The following NAV1 variants were observed in gnomAD, a reference collection of about 807,000 sequenced individuals.
The protein encoded by NAV1 is pore membrane and/or filament interacting like protein 3.
In NAV1, 18 loss-of-function variants were observed where a neutral mutation model predicts 175.2. That is an observed-to-expected ratio of 0.10 (90% CI 0.07 to 0.15). The LOEUF (loss-of-function observed/expected upper bound fraction) is 0.15, where lower values mean the gene tolerates loss of function less well. NAV1 is among the 10% of genes least tolerant of loss of function. The probability of loss-of-function intolerance (pLI) is 1.00; values close to 1 mark genes in which losing one functional copy is unlikely to be tolerated. For missense variants in NAV1, 1,731 were observed against 2,436.6 expected, an observed-to-expected ratio of 0.71 and a Z score of 6.10; for synonymous variants, 897 against 978.7, an observed-to-expected ratio of 0.92 and a Z score of 1.56.
Position 201,810,181 on chromosome 1 carries a change from T to C in NAV1, c.4561+76T>C. On this transcript the variant is annotated intron_variant, in intron 23 of 29. Coordinates refer to ENST00000367296, the Ensembl canonical transcript of NAV1. This position sits in a 1 kb window ranked among gnomAD's most constrained non-coding sequence, Gnocchi z 6.0. ...GGATCATCAAATAATCCATCATGCA[T>C]TCATTCACCAAGAACTCACTGAGAA... 1 of 1,551,744 alleles carries C rather than the reference T, an allele frequency of 6.4e-7. No homozygotes were observed. Among genetic ancestry groups the C allele is most frequent in the Non-Finnish European group, 8.8e-7 (1 of 1,138,064 alleles).
intron 1 of NAV1, among the ~76,000 whole-genome samples, chr1:201,568,119 C>G (rs375978496): frequency 2.1e-4 from 32 of 152,248 alleles, no homozygotes; most frequent in Middle Eastern, 6.8e-3. Context: ...CCTGGGCTGA[C>G]AATAAAAGGA....
At chr1:201,542,614 G>A (rs921896121) in intron 1 of NAV1, among the ~76,000 whole-genome samples, 2 of 152,042 alleles carry the variant, frequency 1.3e-5, no homozygotes, top group Non-Finnish European at 2.9e-5. Flanking sequence ...TGACTCTTGA[G>A]ACGTGAAGCG....
chr1:201,691,657 A>G (rs942051362), intron 1 of NAV1, among the ~76,000 whole-genome samples: 1 of 152,220 alleles, frequency 6.6e-6, no homozygotes, highest in Non-Finnish European at 1.5e-5. Context: ...TGGATAAGGA[A>G]CAGAATAGCG....
At chr1:201,817,237 T>C (rs1167946150) in exon 29 of NAV1, 9 of 1,613,968 alleles carry the variant, frequency 5.6e-6, no homozygotes, top group Middle Eastern at 3.3e-4. Context: ...CTCCCGAGGA[T>C]AGGACAGTCA....
At chr1:201,604,686 A>G (rs1179810530) in intron 2 of NAV1, among the ~76,000 whole-genome samples, 4 of 146,992 alleles carry the variant, frequency 2.7e-5, no homozygotes, top group African/African-American at 5.2e-5. Flanking sequence ...GTCAGAAAAA[A>G]AAAAAAAAGA....
upstream of NAV1, among the ~76,000 whole-genome samples, chr1:201,645,546 T>TATA (rs927195360): frequency 6.6e-6 from 1 of 151,868 alleles, no homozygotes; most frequent in Non-Finnish European, 1.5e-5. Context: ...AAACTTAAAT[T>TATA]ATAATAATAA....
In NAV1 at chr1:201,554,549, G is replaced by A. The variant is rs187779979; in HGVS notation, c.-144+15207G>A. On this transcript the variant is annotated intron_variant, in intron 1 of 33. Coordinates refer to the NAV1 transcript ENST00000685211. ...CTGCTGGGGAAGGAAAGGAAGAGCCGTGGGAGAGACTTTTTACAAAGGAAA... is the reference window on the plus strand; with the variant it reads ...CTGCTGGGGAAGGAAAGGAAGAGCCATGGGAGAGACTTTTTACAAAGGAAA... Among the ~76,000 whole-genome samples, 144 of 152,328 alleles carry A rather than the reference G, an allele frequency of 9.5e-4. 1 individual carries two copies. The highest frequency in any genetic ancestry group is 3.0e-3 in the African/African-American group (124 of 41,580).
intron 3 of NAV1, among the ~76,000 whole-genome samples, chr1:201,760,767 T>G (rs1219723548): frequency 6.6e-6 from 1 of 152,148 alleles, no homozygotes; most frequent in Non-Finnish European, 1.5e-5. Context: ...TTACAAAGGG[T>G]CATTGTGTCA....
chr1:201,729,320 T>C (rs1672748009), intron 3 of NAV1, among the ~76,000 whole-genome samples: 1 of 152,232 alleles, frequency 6.6e-6, no homozygotes, highest in Non-Finnish European at 1.5e-5. Context: ...AATAGTATTG[T>C]TCTTAGCATG....
chr1:201,740,208 C>T lies in NAV1; in HGVS notation c.1226+21453C>T. The T allele has an allele frequency of 1.3e-6, 1 of 752,444 alleles. No individual in the cohort carries two copies. The allele number at this position is 752,444 out of a possible 1,614,324, so 46.6% of individuals were successfully genotyped here. Reference sequence around the variant, plus strand: ...TCTCAGGGGCAGTGGGTGTGGGGTCCGCAAGAAGGAGGGTCTTGGCCGCGC... The same window carrying T: ...TCTCAGGGGCAGTGGGTGTGGGGTCTGCAAGAAGGAGGGTCTTGGCCGCGC... On this transcript the variant is annotated intron_variant, in intron 3 of 29. Transcript: ENST00000367296. The surrounding 1 kb of genome is among the most constrained non-coding windows in gnomAD (Gnocchi z 4.7).
At chr1:201,754,236 A>G (rs1200836807) in intron 3 of NAV1, among the ~76,000 whole-genome samples, 1 of 152,184 alleles carries the variant, frequency 6.6e-6, no homozygotes, top group Non-Finnish European at 1.5e-5. Flanking sequence ...CATGTTTGCC[A>G]ATGGGACAGG....
In NAV1 at chr1:201,780,720, A is replaced by T. The variant is rs114827538; in HGVS notation, c.1365+161A>T. On this transcript the variant is annotated intron_variant, in intron 4 of 29. Coordinates refer to ENST00000367296, the Ensembl canonical transcript of NAV1. ...TAGAGTTGCCCCCACCCCCTCCCAA[A>T]AAAAGCTAAGGCTACTCACCCAAGA... Among the ~76,000 whole-genome samples the T allele has an allele frequency of 6.1e-3, 931 of 152,182 alleles. 9 individuals are homozygous for T. Among genetic ancestry groups the T allele is most frequent in the Non-Finnish European group, 0.01 (687 of 68,006 alleles).
intron 1 of NAV1, among the ~76,000 whole-genome samples, chr1:201,543,163 T>C (rs912008848): frequency 6.6e-6 from 1 of 152,236 alleles, no homozygotes; most frequent in African/African-American, 2.4e-5. Flanking sequence ...CAGTATAATG[T>C]TGAGTGGCAG....
intron 3 of NAV1, among the ~76,000 whole-genome samples, chr1:201,742,436 G>A (rs1673483132): frequency 6.6e-6 from 1 of 152,116 alleles, no homozygotes. Flanking sequence ...TTTCTTCTCT[G>A]GATGCCTGGG....
At chr1:201,704,481 C>T (rs1430085610) in intron 1 of NAV1, among the ~76,000 whole-genome samples, 1 of 152,254 alleles carries the variant, frequency 6.6e-6, no homozygotes, top group Non-Finnish European at 1.5e-5. Context: ...GGTGACTTCT[C>T]TTATCCCAAG....
In NAV1 at chr1:201,810,507, T is replaced by C. The variant is rs1282242872; in HGVS notation, c.4562-16T>C. 9.4e-6 allele frequency: 15 copies of C among 1,596,924 alleles called. No individual in the cohort carries two copies. The African/African-American group carries it at 1.6e-4, about 17-fold the overall frequency. On this transcript the variant is annotated splice_polypyrimidine_tract_variant and intron_variant, in intron 23 of 29. Transcript: ENST00000367296. The surrounding 1 kb of genome is among the most constrained non-coding windows in gnomAD (Gnocchi z 6.0). Reference sequence around the variant, plus strand: ...GACCCTGGTCAATACTCATGCTTTCTGGGGTGGGGGTTCAGGTCTGAAGGA... The same window carrying C: ...GACCCTGGTCAATACTCATGCTTTCCGGGGTGGGGGTTCAGGTCTGAAGGA...
intron 3 of NAV1, among the ~76,000 whole-genome samples, chr1:201,777,683 G>A (rs991343793): frequency 4.6e-5 from 7 of 151,862 alleles, no homozygotes. Context: ...GGGTGCGGTG[G>A]CTCACACCTA....
chr1:201,560,265 G>A (rs1487941218), intron 1 of NAV1, among the ~76,000 whole-genome samples: 1 of 152,184 alleles, frequency 6.6e-6, no homozygotes, highest in Non-Finnish European at 1.5e-5. Flanking sequence ...GGGTGATAGA[G>A]TATGGGACAG....
At chr1:201,739,749 G>A in intron 3 of NAV1, 1 of 1,184,768 alleles carries the variant, frequency 8.4e-7, no homozygotes, top group Non-Finnish European at 1.0e-6. Context: ...TGCTCTGGGT[G>A]TTAAAGAGCC....
Sources: gnomAD v4.1 joint callset for allele counts (sites outside exome capture counted in the v4.1 genomes callset) on GRCh38, gnomAD v4.1.1 for gene constraint, Gnocchi (gnomAD v3.1) non-coding constraint, MANE v1.5 for transcripts, NCBI Gene and HGNC (gene_info 2026-07-23, HGNC 2026-07-21) for gene names.